Variants in UBE2E1 observed in about 807,000 individuals in gnomAD.
UBE2E1 encodes the protein ubiquitin-conjugating enzyme E2 E1.
Under a neutral mutation model 21.4 loss-of-function variants are expected in UBE2E1, and 6 were observed. The ratio of observed to expected loss-of-function variants is 0.28; its 90% confidence interval spans 0.15 to 0.55. UBE2E1 has a LOEUF of 0.55. UBE2E1 is among the 20% of genes least tolerant of loss of function. The pLI is 0.93. For missense variants in UBE2E1, 142 were observed against 236.5 expected, an observed-to-expected ratio of 0.60 and a Z score of 2.62; for synonymous variants, 87 against 82.7, an observed-to-expected ratio of 1.05 and a Z score of -0.28.
At chr3:23,854,243 CAA>C (rs754330255) in intron 3 of UBE2E1, among the ~76,000 whole-genome samples, 58 of 55,644 alleles carry the variant, frequency 1.0e-3, no homozygotes, top group African/African-American at 2.3e-3. Context: ...GACTCAGTCT[CAA>C]AAAAAAAAAA....
At chr3:23,871,694 G>T (rs867202560) in intron 3 of UBE2E1, among the ~76,000 whole-genome samples, 1 of 151,444 alleles carries the variant, frequency 6.6e-6, no homozygotes, top group Non-Finnish European at 1.5e-5. Flanking sequence ...CCTCCCAGAC[G>T]GGGTCGCGGC....
chr3:23,811,409 T>G, intron 2 of UBE2E1, 51 bp from the exon 3 acceptor site: 1 of 1,597,172 alleles, frequency 6.3e-7, no homozygotes, highest in South Asian at 1.1e-5. Flanking sequence ...GTGGGAGGCT[T>G]CCGCGCCTTA....
chr3:23,859,408 A>G (rs978620713), intron 3 of UBE2E1, among the ~76,000 whole-genome samples: 4 of 152,152 alleles, frequency 2.6e-5, no homozygotes, highest in African/African-American at 4.8e-5. Context: ...CACATGCCCC[A>G]TGACTCTCCA....
At chr3:23,837,312 A>T (rs1699992465) in intron 3 of UBE2E1, among the ~76,000 whole-genome samples, 1 of 152,244 alleles carries the variant, frequency 6.6e-6, no homozygotes, top group Non-Finnish European at 1.5e-5. Flanking sequence ...GCCAGAATTA[A>T]AATACAGGAG....
Position 23,830,226 on chromosome 3 carries a change from C to T in UBE2E1, c.203+18716C>T, listed in dbSNP as rs190445611. Among the ~76,000 whole-genome samples, 5 of 152,160 alleles carry T rather than the reference C, an allele frequency of 3.3e-5. No individual in the cohort carries two copies. The East Asian group carries it at 9.7e-4, about 29-fold the overall frequency. ...AGGATGGTGTTTAATTTATTCTGAG[C>T]CCTTTATAATATCCCCTGACAAGAG... On this transcript the variant is annotated intron_variant, in intron 3 of 5. Transcript: ENST00000306627.
rs370541695 is a variant in UBE2E1 at position 23,863,594 on chromosome 3, G to C, written c.204-23973G>C. Among the ~76,000 whole-genome samples the C allele has an allele frequency of 6.6e-6, 1 of 152,120 alleles. No homozygotes were observed. The highest frequency in any genetic ancestry group is 2.4e-5 in the African/African-American group (1 of 41,422). On this transcript the variant is annotated intron_variant, in intron 3 of 5. Coordinates refer to ENST00000306627, the MANE Select transcript of UBE2E1 (RefSeq NM_003341.5). The surrounding 1 kb of genome is among the most constrained non-coding windows in gnomAD (Gnocchi z 4.3). Reference sequence around the variant, plus strand: ...TGCGCAGGCTGGAGTGCAGTGGCGCGATCTCAACTCACCGCAACCTCCGCC... The same window carrying C: ...TGCGCAGGCTGGAGTGCAGTGGCGCCATCTCAACTCACCGCAACCTCCGCC...
rs1553637746 is a variant in UBE2E1, at chr3:23,842,250, G to GTGTGTGTGTGTGTGT, written c.203+30743_203+30744insGTGTGTGTGTGTTGT. 3.5e-5 allele frequency among the ~76,000 whole-genome samples: 3 copies of GTGTGTGTGTGTGTGT among 86,288 alleles called. No homozygotes were observed. The highest frequency in any genetic ancestry group is 6.9e-5 in the Non-Finnish European group (3 of 43,230). The allele number at this position is 86,288 out of a possible 152,430, so 56.6% of individuals were successfully genotyped here. A position where few individuals can be genotyped will look rare whatever the true frequency, so the allele number is the denominator to read the frequency against. ...GTGTGTGTGTGTGTGTGTGTGTGTG[G>GTGTGTGTGTGTGTGT]TGTTGTTGTTGTTGGCGACAGGGTC... On this transcript the variant is annotated intron_variant, in intron 3 of 5. Coordinates refer to ENST00000306627, the MANE Select transcript of UBE2E1 (RefSeq NM_003341.5). This position sits in a 1 kb window ranked among gnomAD's most constrained non-coding sequence, Gnocchi z 4.6.
In UBE2E1 at chr3:23,842,224, TGTGTGTGTGTGTGTGTGTGTGTGTGG is replaced by T; in HGVS notation, c.203+30715_203+30740del. On this transcript the variant is annotated intron_variant, in intron 3 of 5. Coordinates refer to ENST00000306627, the MANE Select transcript of UBE2E1 (RefSeq NM_003341.5). The surrounding 1 kb of genome is among the most constrained non-coding windows in gnomAD (Gnocchi z 4.6). ...GTGTGTGTGTGTGTGTGTGTGTGTG[TGTGTGTGTGTGTGTGTGTGTGTGTGG>T]TGTTGTTGTTGTTGGCGACAGGGTC... 1.2e-5 allele frequency among the ~76,000 whole-genome samples: 1 copy of T among 85,012 alleles called. No homozygotes were observed. Among genetic ancestry groups the T allele is most frequent in the Non-Finnish European group, 2.5e-5 (1 of 39,970 alleles). 55.8% of individuals were successfully genotyped at this position (85,012 alleles called of 152,430 possible). A position where few individuals can be genotyped will look rare whatever the true frequency, so the allele number is the denominator to read the frequency against.
chr3:23,832,472 C>G (rs1364371356), intron 3 of UBE2E1, among the ~76,000 whole-genome samples: 2 of 152,120 alleles, frequency 1.3e-5, no homozygotes, highest in Non-Finnish European at 2.9e-5. Flanking sequence ...TGGCAAAACC[C>G]CATCTCTACT....
chr3:23,886,485 T>C lies in UBE2E1; in HGVS notation c.204-1082T>C, dbSNP rs372276279. 8.5e-5 allele frequency among the ~76,000 whole-genome samples: 13 copies of C among 152,344 alleles called. No individual in the cohort carries two copies. In the East Asian group the frequency reaches 1.3e-3, roughly 16 times the overall value. On this transcript the variant is annotated intron_variant, in intron 3 of 5. Transcript: ENST00000306627. ...TTCTCCCTCCTTTTTTGCCATGTCA[T>C]GTTTTCTTCCCCAACTTGTATTCTC...
At chr3:23,856,194 T>C (rs1199999712) in intron 3 of UBE2E1, among the ~76,000 whole-genome samples, 2 of 151,880 alleles carry the variant, frequency 1.3e-5, no homozygotes, top group East Asian at 3.9e-4. Flanking sequence ...GCCTTGCTAA[T>C]TTTTTTTGTA....
intron 3 of UBE2E1, among the ~76,000 whole-genome samples, chr3:23,850,837 CTTTTTTTTTT>C (rs71057628): frequency 0.44 from 57,053 of 128,866 alleles, 11,744 homozygotes; most frequent in Middle Eastern, 0.61. Context: ...CCACACCCAG[CTTTTTTTTTT>C]TTTTTTTTTT....
intron 3 of UBE2E1, among the ~76,000 whole-genome samples, chr3:23,835,239 G>A (rs1257743121): frequency 6.6e-6 from 1 of 152,158 alleles, no homozygotes; most frequent in East Asian, 1.9e-4. Context: ...GGAGGTTGAG[G>A]CAGGAGGATT....
At chr3:23,813,160 A>T (rs911269972) in intron 3 of UBE2E1, among the ~76,000 whole-genome samples, 10 of 152,178 alleles carry the variant, frequency 6.6e-5, no homozygotes, top group African/African-American at 2.4e-4. Flanking sequence ...TGGTCAGGGG[A>T]TGCACCAAAC....
intron 3 of UBE2E1, among the ~76,000 whole-genome samples, chr3:23,820,850 C>A (rs970381548): frequency 1.3e-5 from 2 of 152,036 alleles, no homozygotes; most frequent in Admixed American, 1.3e-4. Flanking sequence ...TAAAATTGAT[C>A]GATGGAAAAT....
At chr3:23,862,935 A>C (rs2125314571) in intron 3 of UBE2E1, among the ~76,000 whole-genome samples, 1 of 152,172 alleles carries the variant, frequency 6.6e-6, no homozygotes, top group Non-Finnish European at 1.5e-5. Flanking sequence ...TGTGTTGCCT[A>C]GGCTGGTCTT....
intron 3 of UBE2E1, chr3:23,879,118 A>G: frequency 1.9e-6 from 1 of 535,784 alleles, no homozygotes; most frequent in South Asian, 1.5e-5. Flanking sequence ...AACTATAAGT[A>G]GAGGGACTGC....
chr3:23,835,961 A>C (rs1699967073), intron 3 of UBE2E1, among the ~76,000 whole-genome samples: 1 of 152,246 alleles, frequency 6.6e-6, no homozygotes, highest in Admixed American at 6.5e-5. Context: ...TGTGAGTTTT[A>C]AGCTATTTCT....
intron 3 of UBE2E1, among the ~76,000 whole-genome samples, chr3:23,868,075 A>G (rs908167386): frequency 1.3e-5 from 2 of 152,208 alleles, no homozygotes; most frequent in African/African-American, 4.8e-5. Flanking sequence ...CATGTTTGGA[A>G]TGAAGCAGGA....
Sources: allele counts gnomAD v4.1 joint callset (sites outside exome capture counted in the v4.1 genomes callset), GRCh38; gene constraint gnomAD v4.1.1; non-coding constraint Gnocchi (gnomAD v3.1); transcripts MANE v1.5; gene names NCBI Gene and HGNC (gene_info 2026-07-23, HGNC 2026-07-21).